The following PCDHGA5 variants were observed in gnomAD, a reference collection of about 807,000 sequenced individuals.
The protein encoded by PCDHGA5 is protocadherin gamma-A5.
PCDHGA5 carries 36 observed loss-of-function variants against 56.7 expected under a neutral mutation model. The ratio of observed to expected loss-of-function variants is 0.64; its 90% CI spans 0.49 to 0.84. The LOEUF is 0.84. PCDHGA5 is among the 40% of genes least tolerant of loss of function. The pLI is 0.00. For missense variants in PCDHGA5, 1,305 were observed against 1,201.5 expected (o/e 1.09, Z -1.27); for synonymous variants, 563 against 520.2 (o/e 1.08, Z -1.12).
At chr5:141,413,979 C>T in intron 1 of PCDHGA5, 1 of 1,613,394 alleles carries the variant, frequency 6.2e-7, no homozygotes, top group Non-Finnish European at 8.5e-7. Flanking sequence ...TGCTGACAGT[C>T]ACAGCCACCG....
At chr5:141,409,984 GGACGCC>G (rs2095344357) in intron 1 of PCDHGA5, 1 of 1,613,210 alleles carries the variant, frequency 6.2e-7, no homozygotes, top group Admixed American at 1.7e-5. Context: ...TGGTAGCGGT[GGACGCC>G]GACTCGGGAC....
At chr5:141,478,442 C>G (rs1245219009) in intron 1 of PCDHGA5, 1 of 1,613,608 alleles carries the variant, frequency 6.2e-7, no homozygotes, top group Non-Finnish European at 8.5e-7. Flanking sequence ...GCTGAAGAAA[C>G]CTGGTGCAGC....
chr5:141,502,524 C>T (rs959562458), intron 2 of PCDHGA5, among the ~76,000 whole-genome samples: 3 of 151,910 alleles, frequency 2.0e-5, no homozygotes, highest in East Asian at 1.9e-4. Flanking sequence ...TCAGTGATGC[C>T]GAGTTTGTTC....
chr5:141,474,597 T>C (rs1454833258), intron 1 of PCDHGA5, among the ~76,000 whole-genome samples: 2 of 152,248 alleles, frequency 1.3e-5, no homozygotes, highest in Non-Finnish European at 2.9e-5. Flanking sequence ...CATGGAAATA[T>C]AGGTCACATA....
At chr5:141,394,251 G>A (rs1380359596) in intron 1 of PCDHGA5, 1 of 1,613,744 alleles carries the variant, frequency 6.2e-7, no homozygotes, top group Non-Finnish European at 8.5e-7. Flanking sequence ...ACACGACCCC[G>A]ACAGCCAGGA....
chr5:141,390,176 C>T lies in PCDHGA5; in HGVS notation c.2421+23425C>T, dbSNP rs763410454. The T allele has an allele frequency of 5.6e-6, 9 of 1,614,000 alleles. No individual in the cohort carries two copies. In the East Asian group the frequency reaches 1.1e-4, roughly 20 times the overall value. ...ATACAGGAAAGACGGAGTTTAATTT[C>T]CTAAAATGTAGTGAGCAGTTGAGTT... On this transcript the variant is annotated intron_variant, in intron 1 of 3. Transcript: ENST00000518069.
chr5:141,418,523 C>T (rs2096266495), intron 1 of PCDHGA5: 1 of 1,613,958 alleles, frequency 6.2e-7, no homozygotes, highest in Non-Finnish European at 8.5e-7. Context: ...GGACCCTCCC[C>T]GAAGCGGTAC....
intron 2 of PCDHGA5, among the ~76,000 whole-genome samples, chr5:141,498,825 C>A (rs2099786017): frequency 6.6e-6 from 1 of 151,974 alleles, no homozygotes; most frequent in Admixed American, 6.6e-5. Flanking sequence ...CCCAGCTACT[C>A]AGGAGGCTGA....
At position 141,477,687 on chromosome 5, in the gene PCDHGA5, C is replaced by A. The variant is rs1206813120; in HGVS notation, c.2422-17120C>A. The A allele has an allele frequency of 5.6e-6, 9 of 1,614,022 alleles. No homozygotes were observed. The highest frequency in any genetic ancestry group is 7.6e-6 in the Non-Finnish European group (9 of 1,180,040). ...AATGGCATAGTGTCATCCTTAGTGC[C>A]CCTAGACTATGAGGATCGGCGGGAA... On this transcript the variant is annotated intron_variant, in intron 1 of 3. Coordinates refer to ENST00000518069, the MANE Select transcript of PCDHGA5 (RefSeq NM_018918.3). This position sits in a 1 kb window ranked among gnomAD's most constrained non-coding sequence, Gnocchi z 4.9.
chr5:141,508,867 G>A (rs2099872497), intron 3 of PCDHGA5, among the ~76,000 whole-genome samples: 1 of 152,108 alleles, frequency 6.6e-6, no homozygotes. Flanking sequence ...GGGAAAGGCT[G>A]AAGAGGCTGA....
intron 1 of PCDHGA5, among the ~76,000 whole-genome samples, chr5:141,492,539 G>A (rs1474928199): frequency 1.3e-5 from 2 of 152,200 alleles, no homozygotes; most frequent in African/African-American, 2.4e-5. Context: ...GCCCCGGGCT[G>A]GGCCGGGTCG....
intron 1 of PCDHGA5, chr5:141,387,576 G>C (rs534073702): frequency 2.1e-6 from 1 of 487,618 alleles, no homozygotes; most frequent in Non-Finnish European, 3.6e-6. Context: ...TATAATTATT[G>C]CACTGGTTAA....
rs922405350 is a variant in PCDHGA5, at chr5:141,512,227, T to C, written c.*1054T>C. 5 of 152,764 alleles carry C rather than the reference T, an allele frequency of 3.3e-5. No homozygotes were observed. The highest frequency in any genetic ancestry group is 1.2e-4 in the African/African-American group (5 of 41,552). 9.5% of individuals were successfully genotyped at this position (152,764 alleles called of 1,614,324 possible). On this transcript the variant is annotated 3_prime_UTR_variant, in exon 4 of 4. Transcript: ENST00000518069. ...AAGCAGGTTTAGGACCAGGTCCCCTTGAGAGGTCAGAGGGGCCTCTGTGGG... is the reference window on the plus strand; with the variant it reads ...AAGCAGGTTTAGGACCAGGTCCCCTCGAGAGGTCAGAGGGGCCTCTGTGGG...
At chr5:141,403,652 G>C in intron 1 of PCDHGA5, 1 of 1,613,908 alleles carries the variant, frequency 6.2e-7, no homozygotes, top group South Asian at 1.1e-5. Context: ...GACAGTGTTG[G>C]ATACAAATGA....
At chr5:141,419,922 T>C (rs761868361) in intron 1 of PCDHGA5, 1 of 1,614,090 alleles carries the variant, frequency 6.2e-7, no homozygotes, top group South Asian at 1.1e-5. Flanking sequence ...CAGGCTGAGA[T>C]GCAGTTTTAC....
At position 141,365,707 on chromosome 5, in the gene PCDHGA5, C is replaced by T; in HGVS notation, c.1377C>T (p.Thr459=). ...ATTTCCCTCAAGCCTCCTACTCCAC[C>T]TCTGTCACAGAAAACAATCCCAGAG... ...PPNFPQASYS[T]SVTENNPRGV... is the part of the protein sequence containing the mutation. The change falls in exon 1 of 4, where the codon ACC becomes ACT. Residue 459 remains threonine (T), a synonymous_variant. Coordinates refer to ENST00000518069, the MANE Select transcript of PCDHGA5 (RefSeq NM_018918.3). 6.2e-7 allele frequency: 1 copy of T among 1,613,728 alleles called. No homozygotes were observed. The highest frequency in any genetic ancestry group is 8.5e-7 in the Non-Finnish European group (1 of 1,179,874).
At chr5:141,430,100 C>T (rs6874907) in intron 1 of PCDHGA5, among the ~76,000 whole-genome samples, 7,606 of 152,160 alleles carry the variant, frequency 0.05, 372 homozygotes, top group African/African-American at 0.13. Context: ...GATTTTTAAG[C>T]GTTACATGTC....
In PCDHGA5 at chr5:141,431,028, T is replaced by C. The variant is rs367575636; in HGVS notation, c.2422-63779T>C. On this transcript the variant is annotated intron_variant, in intron 1 of 3. Transcript: ENST00000518069. This position sits in a 1 kb window ranked among gnomAD's most constrained non-coding sequence, Gnocchi z 4.8. ...GGCAGCTTGGTCACGGCGGGCAGGA[T>C]AGACCGGGAGGAGCTCTGTATGGGG... The C allele has an allele frequency of 6.2e-7, 1 of 1,613,986 alleles. No homozygotes were observed. Among genetic ancestry groups the C allele is most frequent in the Admixed American group, 1.7e-5 (1 of 60,022 alleles).
intron 1 of PCDHGA5, among the ~76,000 whole-genome samples, chr5:141,465,348 A>C (rs886810999): frequency 6.6e-6 from 1 of 152,158 alleles, no homozygotes; most frequent in African/African-American, 2.4e-5. Context: ...GTTACTGAAG[A>C]AAAAATGGGT....
Sources: gnomAD v4.1 joint callset for allele counts (sites outside exome capture counted in the v4.1 genomes callset) on GRCh38, gnomAD v4.1.1 for gene constraint, Gnocchi (gnomAD v3.1) non-coding constraint, MANE v1.5 for transcripts, NCBI Gene and HGNC (gene_info 2026-07-23, HGNC 2026-07-21) for gene names.